Variants in EPHA3 observed in about 807,000 individuals in gnomAD.
The protein encoded by EPHA3 is ephrin type-A receptor 3.
Under a neutral mutation model 107.1 loss-of-function variants are expected in EPHA3, and 42 were observed. The ratio of observed to expected loss-of-function variants is 0.39; its 90% CI spans 0.31 to 0.51. The LOEUF is 0.51. EPHA3 is among the 20% of genes least tolerant of loss of function. EPHA3 has a pLI of 0.78. For missense variants in EPHA3, 1,183 were observed against 1,211.2 expected (o/e 0.98, Z 0.35); for synonymous variants, 461 against 424.8 (o/e 1.09, Z -1.05).
intron 3 of EPHA3, among the ~76,000 whole-genome samples, chr3:89,280,208 A>G (rs1705908020): frequency 6.6e-6 from 1 of 152,204 alleles, no homozygotes; most frequent in Admixed American, 6.5e-5. Flanking sequence ...ATATTTCATA[A>G]TAACTTTTGA....
At chr3:89,160,687 A>T (rs1358493600) in intron 2 of EPHA3, among the ~76,000 whole-genome samples, 1 of 151,564 alleles carries the variant, frequency 6.6e-6, no homozygotes, top group East Asian at 1.9e-4. Flanking sequence ...TAAAGATTCA[A>T]CCCTAAAGCT....
intron 2 of EPHA3, among the ~76,000 whole-genome samples, chr3:89,148,899 C>A (rs1331140840): frequency 6.6e-6 from 1 of 151,878 alleles, no homozygotes; most frequent in Admixed American, 6.6e-5. Context: ...TAATTATAAA[C>A]ATATAACATA....
chr3:89,284,667 C>A (rs1389252389), intron 3 of EPHA3, among the ~76,000 whole-genome samples: 1 of 152,128 alleles, frequency 6.6e-6, no homozygotes, highest in Non-Finnish European at 1.5e-5. Flanking sequence ...CCTTCAATGG[C>A]ACTTTCTTTT....
intron 2 of EPHA3, among the ~76,000 whole-genome samples, chr3:89,195,268 G>A (rs1164745486): frequency 2.0e-5 from 3 of 151,778 alleles, no homozygotes; most frequent in South Asian, 2.1e-4. Flanking sequence ...TGCTCATAAC[G>A]TTATCTCCAA....
intron 2 of EPHA3, among the ~76,000 whole-genome samples, chr3:89,208,423 G>GAAGAAAGAAAGA (rs745313705): frequency 3.5e-3 from 132 of 37,478 alleles, no homozygotes; most frequent in South Asian, 8.3e-3. Context: ...AGGAAGGAAG[G>GAAGAAAGAAAGA]AAGAAAGAAA....
intron 3 of EPHA3, among the ~76,000 whole-genome samples, chr3:89,230,011 G>A (rs573826094): frequency 6.6e-6 from 1 of 152,128 alleles, no homozygotes; most frequent in South Asian, 2.1e-4. Context: ...ATACCACCTT[G>A]AAATATATAA....
intron 3 of EPHA3, among the ~76,000 whole-genome samples, chr3:89,331,462 C>G (rs185666165): frequency 8.7e-4 from 132 of 152,210 alleles, no homozygotes; most frequent in African/African-American, 3.1e-3. Context: ...GTGAACATAG[C>G]ATAATTTATT....
chr3:89,433,442 T>G (rs1709607615), intron 13 of EPHA3, among the ~76,000 whole-genome samples: 1 of 152,242 alleles, frequency 6.6e-6, no homozygotes, highest in African/African-American at 2.4e-5. Context: ...GCCGCAATAA[T>G]AGAACCACTG....
intron 13 of EPHA3, 126 bp from the exon 14 acceptor site, chr3:89,449,099 C>T (rs1474065683): frequency 1.1e-6 from 1 of 878,304 alleles, no homozygotes; most frequent in Non-Finnish European, 1.6e-6. Context: ...AAATGTTTCA[C>T]AGAAATGCAT....
rs754293208 is a variant in EPHA3, at chr3:89,449,293, C to T, written c.2415C>T (p.Ser805=). 14 of 1,612,188 alleles carry T rather than the reference C, an allele frequency of 8.7e-6. No homozygotes were observed. Among genetic ancestry groups the T allele is most frequent in the Admixed American group, 8.3e-5 (5 of 59,940 alleles). Residue 805 remains serine, a synonymous_variant, in exon 14 of 17, where the codon AGC becomes AGT. Transcript: ENST00000336596. ...AIAYRKFTSA[S]DVWSYGIVLW... ...CCTACCGCAAGTTCACGTCAGCCAG[C>T]GATGTATGGAGTTATGGGATTGTTC...
chr3:89,189,625 C>T (rs1268165823), intron 2 of EPHA3, among the ~76,000 whole-genome samples: 2 of 152,122 alleles, frequency 1.3e-5, no homozygotes, highest in Non-Finnish European at 2.9e-5. Flanking sequence ...ACTAAGAGAC[C>T]TAGCTCTAGT....
chr3:89,280,241 G>C (rs1332058607), intron 3 of EPHA3, among the ~76,000 whole-genome samples: 12 of 152,156 alleles, frequency 7.9e-5, no homozygotes, highest in African/African-American at 2.7e-4. Flanking sequence ...AGAAAATACT[G>C]ATATTTTGAG....
intron 3 of EPHA3, among the ~76,000 whole-genome samples, chr3:89,242,500 T>C (rs1171054953): frequency 2.0e-5 from 3 of 152,216 alleles, no homozygotes; most frequent in African/African-American, 7.2e-5. Flanking sequence ...TGCAGTGGCA[T>C]GATCTCGGCT....
intron 2 of EPHA3, among the ~76,000 whole-genome samples, chr3:89,150,213 G>T (rs1704659370): frequency 6.6e-6 from 1 of 151,942 alleles, no homozygotes; most frequent in African/African-American, 2.4e-5. Context: ...AGACATTGCA[G>T]ATATGAAAGT....
chr3:89,454,906 A>T (rs943918801), intron 15 of EPHA3, among the ~76,000 whole-genome samples: 1 of 152,092 alleles, frequency 6.6e-6, no homozygotes, highest in Non-Finnish European at 1.5e-5. Context: ...TAGCAGAAGG[A>T]TTGCTTAAGT....
In EPHA3 at chr3:89,362,611, G is replaced by A. The variant is rs1405634793; in HGVS notation, c.1306+20521G>A. On this transcript the variant is annotated intron_variant, in intron 5 of 16. Transcript: ENST00000336596. ...TATGGAAAGATGTTCCTTGAGCATTGTATAAGGAGTGTACTGGGTGGACGT... is the reference window on the plus strand; with the variant it reads ...TATGGAAAGATGTTCCTTGAGCATTATATAAGGAGTGTACTGGGTGGACGT... 2.0e-5 allele frequency among the ~76,000 whole-genome samples: 3 copies of A among 150,984 alleles called. 1 individual carries two copies. The highest frequency in any genetic ancestry group is 4.4e-5 in the Non-Finnish European group (3 of 67,466).
At chr3:89,147,657 T>C (rs1704594221) in intron 2 of EPHA3, among the ~76,000 whole-genome samples, 2 of 151,864 alleles carry the variant, frequency 1.3e-5, no homozygotes, top group South Asian at 2.1e-4. Context: ...GGTTTTGTAA[T>C]GTACCCCCTA....
chr3:89,274,864 GATAAT>G (rs762021374), intron 3 of EPHA3, among the ~76,000 whole-genome samples: 23 of 151,942 alleles, frequency 1.5e-4, no homozygotes, highest in Non-Finnish European at 2.9e-4. Flanking sequence ...CCAGTACAAA[GATAAT>G]ATAAGTGAAA....
intron 3 of EPHA3, among the ~76,000 whole-genome samples, chr3:89,259,087 G>T (rs1186482290): frequency 6.6e-6 from 1 of 152,182 alleles, no homozygotes; most frequent in Non-Finnish European, 1.5e-5. Context: ...TGAAGAGTAT[G>T]TGGGGATGCT....
Sources: allele counts gnomAD v4.1 joint callset (sites outside exome capture counted in the v4.1 genomes callset), GRCh38; gene constraint gnomAD v4.1.1; transcripts MANE v1.5; gene names NCBI Gene and HGNC (gene_info 2026-07-23, HGNC 2026-07-21).